SRP68: variants seen among roughly 807,000 people sequenced by gnomAD.
SRP68 encodes the protein signal recognition particle subunit SRP68.
In SRP68, 15 loss-of-function variants were observed where a neutral mutation model predicts 82.2. That is an observed-to-expected ratio of 0.18 (90% CI 0.12 to 0.28). The LOEUF (loss-of-function observed/expected upper bound fraction) is 0.28. Ranked by LOEUF, SRP68 falls within the 10% of genes least tolerant of loss-of-function variation. The pLI, the probability that SRP68 is intolerant of heterozygous loss-of-function variation, is 1.00. For missense variants in SRP68, 595 were observed against 780.5 expected, an observed-to-expected ratio of 0.76 and a Z score of 2.83; for synonymous variants, 261 against 292.6, an observed-to-expected ratio of 0.89 and a Z score of 1.10.
At chr17:76,045,626 C>T (rs2066624540) in intron 11 of SRP68, among the ~76,000 whole-genome samples, 1 of 152,170 alleles carries the variant, frequency 6.6e-6, no homozygotes, top group African/African-American at 2.4e-5. Context: ...CCTTCAGAGA[C>T]TTCTTGGCCC....
intron 4 of SRP68, among the ~76,000 whole-genome samples, chr17:76,062,035 C>T (rs1212329531): frequency 6.6e-6 from 1 of 151,728 alleles, no homozygotes; most frequent in Non-Finnish European, 1.5e-5. Context: ...GCCTGTAATC[C>T]CAACACTGGG....
intron 8 of SRP68, among the ~76,000 whole-genome samples, chr17:76,054,267 T>C (rs914594962): frequency 6.6e-5 from 10 of 152,102 alleles, no homozygotes; most frequent in Non-Finnish European, 1.2e-4. Flanking sequence ...TCTCAGATTG[T>C]TTTCACTTGT....
At chr17:76,050,805 C>T (rs922568675) in intron 8 of SRP68, among the ~76,000 whole-genome samples, 2 of 147,650 alleles carry the variant, frequency 1.4e-5, no homozygotes, top group Non-Finnish European at 3.0e-5. Context: ...AAAGGCTTTA[C>T]GTCTCTTCCC....
intron 9 of SRP68, among the ~76,000 whole-genome samples, chr17:76,050,034 CA>C (rs34932769): frequency 6.6e-6 from 1 of 152,148 alleles, no homozygotes; most frequent in Non-Finnish European, 1.5e-5. Context: ...AGAGGCCCTG[CA>C]AAGGGAGAAG....
At chr17:76,045,754 G>A (rs955699870) in intron 11 of SRP68, among the ~76,000 whole-genome samples, 1 of 152,150 alleles carries the variant, frequency 6.6e-6, no homozygotes, top group African/African-American at 2.4e-5. Flanking sequence ...CCTGGGGGCC[G>A]AGATGGCATG....
At chr17:76,068,381 G>T (rs1020148855) in intron 2 of SRP68, among the ~76,000 whole-genome samples, 1 of 151,390 alleles carries the variant, frequency 6.6e-6, no homozygotes, top group South Asian at 2.1e-4. Context: ...GCTTAAACCC[G>T]GGAGGTGGAG....
intron 10 of SRP68, among the ~76,000 whole-genome samples, chr17:76,047,066 G>A (rs2066637614): frequency 6.6e-6 from 1 of 152,178 alleles, no homozygotes; most frequent in African/African-American, 2.4e-5. Flanking sequence ...TCTAGGAGTG[G>A]AAGGAAATGA....
intron 8 of SRP68, among the ~76,000 whole-genome samples, chr17:76,054,608 T>G (rs2066699260): frequency 6.6e-6 from 1 of 152,084 alleles, no homozygotes; most frequent in South Asian, 2.1e-4. Flanking sequence ...TCCCAGCACT[T>G]TGGGAGGCCG....
chr17:76,058,256 G>T (rs949202677), intron 7 of SRP68, among the ~76,000 whole-genome samples: 6 of 151,956 alleles, frequency 3.9e-5, no homozygotes, highest in Non-Finnish European at 7.4e-5. Flanking sequence ...CAAGTAGCTG[G>T]GATTAGAGGC....
intron 3 of SRP68, among the ~76,000 whole-genome samples, 161 bp downstream of exon 3, chr17:76,067,056 A>G (rs1022246327): frequency 2.6e-5 from 4 of 152,132 alleles, no homozygotes; most frequent in Non-Finnish European, 4.4e-5. Context: ...AACCTAATGT[A>G]TCTCTTTGAG....
chr17:76,060,113 G>A (rs1480431564), intron 7 of SRP68, among the ~76,000 whole-genome samples, 195 bp downstream of exon 7: 6 of 95,438 alleles, frequency 6.3e-5, no homozygotes, highest in African/African-American at 1.4e-4. Context: ...GTGACAGAGC[G>A]AGACTCCATC....
rs1300543050 is a variant in SRP68 at position 76,072,046 on chromosome 17, G to T, written c.184+262C>A. ...ACAAGCCCTCCAACTGGACAACTGCGGGGCACCAGGGGAAACCTGCCTGAT... is the reference window on the plus strand; with the variant it reads ...ACAAGCCCTCCAACTGGACAACTGCTGGGCACCAGGGGAAACCTGCCTGAT... On this transcript the variant is annotated intron_variant, in intron 1 of 15. Coordinates refer to ENST00000307877, the MANE Select transcript of SRP68 (RefSeq NM_014230.4). This position sits in a 1 kb window ranked among gnomAD's most constrained non-coding sequence, Gnocchi z 4.5. 5.0e-6 allele frequency: 3 copies of T among 599,664 alleles called. No individual in the cohort carries two copies. Among genetic ancestry groups the T allele is most frequent in the Non-Finnish European group, 5.6e-6 (2 of 358,816 alleles). The allele number at this position is 599,664 out of a possible 1,614,324, so 37.1% of individuals were successfully genotyped here.
At chr17:76,064,481 C>A (rs1278710514) in intron 3 of SRP68, among the ~76,000 whole-genome samples, 1 of 152,162 alleles carries the variant, frequency 6.6e-6, no homozygotes. Context: ...GGTCTAGGCA[C>A]ACGATCTGGC....
At chr17:76,053,372 C>T in intron 8 of SRP68, 1 of 728,788 alleles carries the variant, frequency 1.4e-6, no homozygotes, top group Non-Finnish European at 1.7e-6. Flanking sequence ...AACAAACATG[C>T]CAACACCCTT....
chr17:76,048,056 G>T, intron 9 of SRP68, 86 bp from the exon 10 acceptor site: 1 of 797,278 alleles, frequency 1.3e-6, no homozygotes, highest in Non-Finnish European at 1.9e-6. Context: ...GGTCTCCAAA[G>T]TGCCCTGAAC....
intron 3 of SRP68, 114 bp downstream of exon 3, chr17:76,067,103 A>T: frequency 1.2e-6 from 1 of 813,578 alleles, no homozygotes; most frequent in South Asian, 1.5e-5. Context: ...GGAATAGTAA[A>T]CAATGCCCAG....
chr17:76,054,197 C>T (rs188810469), intron 8 of SRP68, among the ~76,000 whole-genome samples: 7 of 152,310 alleles, frequency 4.6e-5, no homozygotes, highest in East Asian at 1.9e-4. Context: ...CTGACTGGTG[C>T]GGAGGAAAGC....
intron 3 of SRP68, among the ~76,000 whole-genome samples, chr17:76,066,796 T>G (rs2066810550): frequency 6.6e-6 from 1 of 151,786 alleles, no homozygotes; most frequent in Non-Finnish European, 1.5e-5. Context: ...GGTGTGATCT[T>G]GGCTCACTGC....
chr17:76,041,945 G>T (rs911959990), intron 13 of SRP68, among the ~76,000 whole-genome samples: 1 of 151,852 alleles, frequency 6.6e-6, no homozygotes, highest in African/African-American at 2.4e-5. Context: ...GCCCAGGGGC[G>T]TGATCTTGGC....
Sources: gnomAD v4.1 joint callset for allele counts (sites outside exome capture counted in the v4.1 genomes callset) on GRCh38, gnomAD v4.1.1 for gene constraint, Gnocchi (gnomAD v3.1) non-coding constraint, MANE v1.5 for transcripts, NCBI Gene and HGNC (gene_info 2026-07-23, HGNC 2026-07-21) for gene names.